ITPRID1: variants seen among roughly 807,000 people sequenced by gnomAD.
The protein encoded by ITPRID1 is ITPR interacting domain containing 1, also known as protein ITPRID1.
A neutral mutation model predicts 95.4 loss-of-function variants in ITPRID1; 96 were observed. The ratio of observed to expected loss-of-function variants is 1.01; its 90% CI spans 0.85 to 1.19. ITPRID1 has a LOEUF of 1.19. Among genes scored for constraint, ITPRID1 ranks in the 50% most tolerant of loss-of-function variants. The probability of loss-of-function intolerance (pLI) is 0.00; values close to 1 mark genes in which losing one functional copy is unlikely to be tolerated. For missense variants in ITPRID1, 1,339 were observed against 1,252.9 expected, an observed-to-expected ratio of 1.07 and a Z score of -1.04; for synonymous variants, 510 against 453.6, an observed-to-expected ratio of 1.12 and a Z score of -1.58.
chr7:31,597,692 G>A (rs1786147389), intron 10 of ITPRID1, among the ~76,000 whole-genome samples: 1 of 152,006 alleles, frequency 6.6e-6, no homozygotes, highest in African/African-American at 2.4e-5. Context: ...ATATCAAAAA[G>A]AAATAAATCT....
intron 10 of ITPRID1, among the ~76,000 whole-genome samples, chr7:31,635,520 G>GT (rs1447556165): frequency 2.0e-5 from 3 of 152,144 alleles, no homozygotes; most frequent in Non-Finnish European, 4.4e-5. Context: ...ACATTGGTTT[G>GT]TTTTTTGTGC....
At chr7:31,651,348 G>A (rs1790932566) in intron 13 of ITPRID1, 79 bp downstream of exon 13, 1 of 1,450,836 alleles carries the variant, frequency 6.9e-7, no homozygotes, top group Non-Finnish European at 9.2e-7. Flanking sequence ...GCAGAACAGA[G>A]GAGCACCCTG....
chr7:31,544,173 CA>C lies in ITPRID1; in HGVS notation c.-97-5252del, dbSNP rs565899434. Among the ~76,000 whole-genome samples, 370 of 152,162 alleles carry C rather than the reference CA, an allele frequency of 2.4e-3. 1 individual carries two copies. Among genetic ancestry groups the C allele is most frequent in the African/African-American group, 8.3e-3 (344 of 41,538 alleles). On this transcript the variant is annotated intron_variant, in intron 1 of 14. Coordinates refer to ENST00000615280, the MANE Select transcript of ITPRID1 (RefSeq NM_001257967.3). ...TCCCTTGTTCTTTATCTTAGTGGGA[CA>C]GCTTCAAGTTTTCACCATTAAGTAT...
intron 10 of ITPRID1, among the ~76,000 whole-genome samples, chr7:31,612,067 A>T (rs1434392599): frequency 1.3e-5 from 2 of 151,460 alleles, no homozygotes; most frequent in East Asian, 3.9e-4. Flanking sequence ...CAGCTGGATA[A>T]TTTTAATTGG....
chr7:31,571,368 A>G (rs1784982139), intron 6 of ITPRID1, among the ~76,000 whole-genome samples: 1 of 152,188 alleles, frequency 6.6e-6, no homozygotes, highest in Non-Finnish European at 1.5e-5. Context: ...TTAGCAACCC[A>G]AGTAGGATAC....
intron 10 of ITPRID1, among the ~76,000 whole-genome samples, chr7:31,589,736 T>C (rs1785781147): frequency 6.6e-6 from 1 of 152,108 alleles, no homozygotes. Context: ...AAAATAAAGA[T>C]AAAATTTCAG....
chr7:31,550,650 C>T (rs1784255174), intron 2 of ITPRID1, among the ~76,000 whole-genome samples: 1 of 151,184 alleles, frequency 6.6e-6, no homozygotes, highest in African/African-American at 2.4e-5. Flanking sequence ...TCCACTAAAA[C>T]AGGGGGAACA....
chr7:31,535,025 C>T (rs934115052), intron 1 of ITPRID1, among the ~76,000 whole-genome samples: 8 of 152,010 alleles, frequency 5.3e-5, no homozygotes, highest in South Asian at 2.1e-4. Flanking sequence ...CTGCACTGTG[C>T]GATAGAGTAG....
intron 1 of ITPRID1, among the ~76,000 whole-genome samples, chr7:31,520,782 A>G (rs1391062317): frequency 1.3e-5 from 2 of 152,030 alleles, no homozygotes; most frequent in Non-Finnish European, 2.9e-5. Context: ...TAATCCATGT[A>G]TATACATATA....
At position 31,651,076 on chromosome 7, in the gene ITPRID1, A is replaced by G. The variant is rs560817445; in HGVS notation, c.2584-66A>G. The G allele has an allele frequency of 1.2e-5, 18 of 1,553,068 alleles. No individual in the cohort carries two copies. The South Asian group carries it at 2.0e-4, about 17-fold the overall frequency. On this transcript the variant is annotated intron_variant, in intron 12 of 14. Transcript: ENST00000615280. Reference sequence around the variant, plus strand: ...GATCCCAAATGGGAAGACAGGCTCCACCATGGTGAGCTCTTGCAGAGGATC... The same window carrying G: ...GATCCCAAATGGGAAGACAGGCTCCGCCATGGTGAGCTCTTGCAGAGGATC...
intron 10 of ITPRID1, among the ~76,000 whole-genome samples, chr7:31,618,737 A>G (rs949441753): frequency 6.6e-6 from 1 of 152,212 alleles, no homozygotes; most frequent in Admixed American, 6.5e-5. Context: ...AAAGCTAAGC[A>G]ACTTGCTCAA....
rs181141125 is a variant in ITPRID1, at chr7:31,533,292, C to T, written c.-97-16134C>T. ...TTTATCTCTTTGTCAAATGTATTGT[C>T]ATGAAGTTTCTTGATAACATATGTT... is the stretch of plus-strand genomic sequence containing the variant. On this transcript the variant is annotated intron_variant, in intron 1 of 14. Transcript: ENST00000615280. Among the ~76,000 whole-genome samples the T allele has an allele frequency of 3.2e-4, 48 of 152,122 alleles. No individual in the cohort carries two copies. In the East Asian group the frequency reaches 7.5e-3, roughly 24 times the overall value.
chr7:31,615,012 C>T (rs574607411), intron 10 of ITPRID1, among the ~76,000 whole-genome samples: 1 of 152,002 alleles, frequency 6.6e-6, no homozygotes, highest in Admixed American at 6.6e-5. Flanking sequence ...TAGGCTGAAG[C>T]CTTGAGAATG....
chr7:31,657,514 T>G (rs1162893243), downstream of ITPRID1, among the ~76,000 whole-genome samples: 2 of 152,226 alleles, frequency 1.3e-5, no homozygotes, highest in Non-Finnish European at 2.9e-5. Flanking sequence ...TACAAGGAGA[T>G]GAGTTCCACC....
chr7:31,636,573 T>C (rs1368628203), intron 10 of ITPRID1, among the ~76,000 whole-genome samples: 1 of 152,154 alleles, frequency 6.6e-6, no homozygotes, highest in Non-Finnish European at 1.5e-5. Context: ...GCTGAATATC[T>C]TTGGTTCCCC....
At position 31,642,796 on chromosome 7, in the gene ITPRID1, G is replaced by C. The variant is rs1790143104; in HGVS notation, c.1426G>C (p.Asp476His). The change falls in exon 12 of 15, where the codon GAT (aspartate) becomes CAT (histidine). Residue 476 changes from aspartate to histidine, a missense_variant. Asp to His is a moderately conservative substitution (Grantham distance 81, BLOSUM62 -1). Coordinates refer to ENST00000615280, the MANE Select transcript of ITPRID1 (RefSeq NM_001257967.3). ...CTGTCAGCTAGAGTCGGATGGGCCA[G>C]ATTCCAAAAGTAGGGCGAGCATGTC... ...QDCQLESDGP[D>H]SKSRASMSFS... 6.2e-7 allele frequency: 1 copy of C among 1,614,016 alleles called. No individual in the cohort carries two copies. Among genetic ancestry groups the C allele is most frequent in the South Asian group, 1.1e-5 (1 of 91,088 alleles).
At chr7:31,586,406 A>C (rs1785609382) in intron 10 of ITPRID1, among the ~76,000 whole-genome samples, 1 of 151,798 alleles carries the variant, frequency 6.6e-6, no homozygotes, top group Admixed American at 6.6e-5. Flanking sequence ...ATCCCTGAGG[A>C]GTCGCCACAC....
At chr7:31,598,466 C>G (rs1225898103) in intron 10 of ITPRID1, among the ~76,000 whole-genome samples, 3 of 138,200 alleles carry the variant, frequency 2.2e-5, no homozygotes, top group Non-Finnish European at 4.5e-5. Flanking sequence ...TGCAGTGGCG[C>G]TATCTCGGCT....
At chr7:31,536,013 A>G (rs1161697949) in intron 1 of ITPRID1, among the ~76,000 whole-genome samples, 1 of 152,100 alleles carries the variant, frequency 6.6e-6, no homozygotes, top group African/African-American at 2.4e-5. Flanking sequence ...GTAGTTTAAT[A>G]TATTTCTTCA....
Sources: gnomAD v4.1 joint callset for allele counts (sites outside exome capture counted in the v4.1 genomes callset) on GRCh38, gnomAD v4.1.1 for gene constraint, MANE v1.5 for transcripts, NCBI Gene and HGNC (gene_info 2026-07-23, HGNC 2026-07-21) for gene names.